The following SEMA3E variants were observed in gnomAD, a reference collection of about 807,000 sequenced individuals.
The protein encoded by SEMA3E is semaphorin-3E.
SEMA3E carries 49 observed loss-of-function variants against 93.6 expected under a neutral mutation model. The observed-to-expected ratio is 0.52, with a 90% CI of 0.42 to 0.66. SEMA3E has a LOEUF of 0.66. Ranked by LOEUF, SEMA3E falls within the 30% of genes least tolerant of loss-of-function variation. The probability of loss-of-function intolerance (pLI) is 0.00; values close to 1 mark genes in which losing one functional copy is unlikely to be tolerated. For missense variants in SEMA3E, 906 were observed against 964.8 expected (o/e 0.94, Z 0.81); for synonymous variants, 363 against 330.7 (o/e 1.10, Z -1.06).
chr7:83,637,448 G>C (rs1302541400), intron 1 of SEMA3E, among the ~76,000 whole-genome samples: 1 of 152,040 alleles, frequency 6.6e-6, no homozygotes, highest in Non-Finnish European at 1.5e-5. Flanking sequence ...TTAATTCTCT[G>C]AAGGCAATGA....
At chr7:83,492,396 C>CT (rs1410410814) in intron 1 of SEMA3E, among the ~76,000 whole-genome samples, 1 of 151,956 alleles carries the variant, frequency 6.6e-6, no homozygotes, top group Non-Finnish European at 1.5e-5. Context: ...CCAACTTTTA[C>CT]TTGCTTTTAT....
chr7:83,415,730 AT>A lies in SEMA3E; in HGVS notation c.550+2659del, dbSNP rs543676453. On this transcript the variant is annotated intron_variant, in intron 5 of 16. Coordinates refer to ENST00000643230, the MANE Select transcript of SEMA3E (RefSeq NM_012431.3). The stretch of plus-strand genomic sequence containing the variant: ...GAAAATTCTCTAATTTGCAAGCACC[AT>A]TTTTTTTTAGGTCAAGCAGCTTTAT... Among the ~76,000 whole-genome samples, 820 of 150,880 alleles carry A rather than the reference AT, an allele frequency of 5.4e-3. 5 individuals are homozygous for A. Among genetic ancestry groups the A allele is most frequent in the African/African-American group, 0.019 (769 of 41,264 alleles).
chr7:83,539,022 A>G (rs1325537162), intron 1 of SEMA3E, among the ~76,000 whole-genome samples: 1 of 152,150 alleles, frequency 6.6e-6, no homozygotes, highest in African/African-American at 2.4e-5. Context: ...CTGGGCCACT[A>G]AAAAGTTGAT....
At chr7:83,484,752 T>C (rs1790219108) in intron 2 of SEMA3E, among the ~76,000 whole-genome samples, 1 of 152,234 alleles carries the variant, frequency 6.6e-6, no homozygotes, top group Non-Finnish European at 1.5e-5. Flanking sequence ...ATTTTTCCAG[T>C]GTATTTCCTA....
At chr7:83,464,474 C>A (rs1409601165) in intron 4 of SEMA3E, among the ~76,000 whole-genome samples, 14 of 82,526 alleles carry the variant, frequency 1.7e-4, no homozygotes, top group Admixed American at 3.1e-4. Context: ...CACTGTTTTT[C>A]CAAGCCATCA....
At chr7:83,528,848 T>C (rs1791223396) in intron 1 of SEMA3E, among the ~76,000 whole-genome samples, 1 of 152,120 alleles carries the variant, frequency 6.6e-6, no homozygotes, top group Admixed American at 6.6e-5. Flanking sequence ...AATGATTTAT[T>C]AGTGTTCTCT....
chr7:83,438,700 T>A (rs1584249372), intron 4 of SEMA3E, among the ~76,000 whole-genome samples: 1 of 151,952 alleles, frequency 6.6e-6, no homozygotes, highest in Admixed American at 6.6e-5. Context: ...AGAAAAAAAA[T>A]ATGCTATATA....
chr7:83,627,470 C>T (rs551418396), intron 1 of SEMA3E, among the ~76,000 whole-genome samples: 4 of 151,254 alleles, frequency 2.6e-5, no homozygotes, highest in South Asian at 2.1e-4. Context: ...GGATAGTTAG[C>T]GAATCTGGGT....
intron 2 of SEMA3E, among the ~76,000 whole-genome samples, chr7:83,474,904 T>G (rs527622026): frequency 6.6e-6 from 1 of 152,262 alleles, no homozygotes; most frequent in African/African-American, 2.4e-5. Flanking sequence ...ATTTGGGAAT[T>G]ATTATTTTAC....
chr7:83,392,841 C>A, intron 13 of SEMA3E, 120 bp from the exon 14 acceptor site: 2 of 934,610 alleles, frequency 2.1e-6, no homozygotes, highest in Non-Finnish European at 3.4e-6. Context: ...ATTTAATTCA[C>A]TTAAATTAGC....
chr7:83,454,272 A>AAAAAAAAAAAAAAATAT (rs1257792756), intron 4 of SEMA3E, among the ~76,000 whole-genome samples: 2 of 110,136 alleles, frequency 1.8e-5, no homozygotes, highest in African/African-American at 8.7e-5. Context: ...AAAAAAAAAA[A>AAAAAAAAAAAAAAATAT]ATATATATAT....
At chr7:83,638,967 C>T (rs954249561) in intron 1 of SEMA3E, among the ~76,000 whole-genome samples, 4 of 150,826 alleles carry the variant, frequency 2.7e-5, no homozygotes, top group South Asian at 2.1e-4. Context: ...AAAAATTAGC[C>T]GGGCGTAGTG....
chr7:83,417,084 A>ACCT (rs1324300677), intron 5 of SEMA3E, among the ~76,000 whole-genome samples: 5 of 138,290 alleles, frequency 3.6e-5, no homozygotes, highest in Non-Finnish European at 8.0e-5. Flanking sequence ...TTTCTCTTTA[A>ACCT]TATTTATTTT....
chr7:83,483,179 A>C (rs1790184202), intron 2 of SEMA3E, among the ~76,000 whole-genome samples: 1 of 152,126 alleles, frequency 6.6e-6, no homozygotes, highest in African/African-American at 2.4e-5. Flanking sequence ...TAGCATTTCT[A>C]TCAGATAATA....
chr7:83,412,399 TATATC>T (rs943997596), intron 5 of SEMA3E, among the ~76,000 whole-genome samples: 2 of 152,090 alleles, frequency 1.3e-5, no homozygotes, highest in African/African-American at 2.4e-5. Flanking sequence ...CATAATTAAA[TATATC>T]AGAAGTTCCT....
rs140992314 is a variant in SEMA3E at position 83,524,900 on chromosome 7, A to C, written c.116-34626T>G. On this transcript the variant is annotated intron_variant, in intron 1 of 16. Transcript: ENST00000643230. Reference sequence around the variant, plus strand: ...TGGACTAGCCACCCTCTGTTGGTGCAGCTCTCATCCTGAGATCTCACATCA... The same window carrying C: ...TGGACTAGCCACCCTCTGTTGGTGCCGCTCTCATCCTGAGATCTCACATCA... Among the ~76,000 whole-genome samples the C allele has an allele frequency of 3.1e-3, 477 of 151,922 alleles. 3 individuals carry two copies. The highest frequency in any genetic ancestry group is 8.2e-3 in the African/African-American group (341 of 41,468).
chr7:83,410,596 C>T (rs371803121), intron 5 of SEMA3E, among the ~76,000 whole-genome samples: 3 of 151,986 alleles, frequency 2.0e-5, no homozygotes, highest in African/African-American at 7.2e-5. Flanking sequence ...AATTTTATGT[C>T]TATGTTTGAA....
At chr7:83,469,376 C>T in intron 2 of SEMA3E, 74 bp from the exon 3 acceptor site, 1 of 999,488 alleles carries the variant, frequency 1.0e-6, no homozygotes, top group Non-Finnish European at 1.5e-6. Flanking sequence ...ATTTCACTTT[C>T]TTCTACAGTT....
intron 4 of SEMA3E, among the ~76,000 whole-genome samples, chr7:83,440,315 G>A (rs1317574832): frequency 6.6e-6 from 1 of 152,084 alleles, no homozygotes; most frequent in African/African-American, 2.4e-5. Flanking sequence ...AGGTGGTAGG[G>A]TGGTCTGGTT....
Sources: allele counts gnomAD v4.1 joint callset (sites outside exome capture counted in the v4.1 genomes callset), GRCh38; gene constraint gnomAD v4.1.1; transcripts MANE v1.5; gene names NCBI Gene and HGNC (gene_info 2026-07-23, HGNC 2026-07-21).